Variants in SPAG16 observed in about 807,000 individuals in gnomAD.
SPAG16 encodes sperm associated antigen 16, also known as sperm-associated antigen 16 protein.
SPAG16 carries 86 observed loss-of-function variants against 80.4 expected under a neutral mutation model. The observed-to-expected ratio is 1.07, with a 90% CI of 0.90 to 1.28. The LOEUF (loss-of-function observed/expected upper bound fraction) is 1.28. SPAG16 is among the 50% of genes most tolerant of loss of function. SPAG16 has a pLI of 0.00. For missense variants in SPAG16, 870 were observed against 765.3 expected (o/e 1.14, Z -1.61); for synonymous variants, 294 against 265.9 (o/e 1.11, Z -1.03).
At chr2:214,327,043 A>G (rs1696548885) in intron 15 of SPAG16, among the ~76,000 whole-genome samples, 1 of 152,024 alleles carries the variant, frequency 6.6e-6, no homozygotes, top group African/African-American at 2.4e-5. Context: ...AACTCTTACA[A>G]GCCATCCACA....
intron 10 of SPAG16, among the ~76,000 whole-genome samples, chr2:213,744,107 G>A (rs1252920268): frequency 6.6e-6 from 1 of 152,170 alleles, no homozygotes; most frequent in Non-Finnish European, 1.5e-5. Flanking sequence ...ACCTCCCAGA[G>A]CACTCCCTAT....
intron 12 of SPAG16, among the ~76,000 whole-genome samples, chr2:213,982,481 A>G (rs2045800136): frequency 6.6e-6 from 1 of 152,074 alleles, no homozygotes; most frequent in Non-Finnish European, 1.5e-5. Context: ...TTATACTTAC[A>G]TACAACAAAG....
intron 10 of SPAG16, among the ~76,000 whole-genome samples, chr2:213,773,625 G>C (rs146293842): frequency 6.6e-6 from 1 of 152,050 alleles, no homozygotes; most frequent in African/African-American, 2.4e-5. Context: ...CATGATCTCG[G>C]CTTACTGCAA....
chr2:213,363,063 T>C (rs540709459), intron 7 of SPAG16, among the ~76,000 whole-genome samples: 38 of 152,108 alleles, frequency 2.5e-4, no homozygotes, highest in African/African-American at 8.4e-4. Context: ...TTTTGAAACA[T>C]AAAAAGGATA....
At chr2:213,702,578 C>T (rs544961833) in intron 10 of SPAG16, among the ~76,000 whole-genome samples, 20 of 152,082 alleles carry the variant, frequency 1.3e-4, no homozygotes, top group African/African-American at 2.7e-4. Context: ...CCACCAGTTC[C>T]GGACACAATA....
intron 10 of SPAG16, among the ~76,000 whole-genome samples, chr2:213,674,484 C>G (rs977036478): frequency 6.6e-6 from 1 of 151,150 alleles, no homozygotes; most frequent in Non-Finnish European, 1.5e-5. Flanking sequence ...GCTGCACCCA[C>G]TAACTCGTCA....
intron 10 of SPAG16, among the ~76,000 whole-genome samples, chr2:213,520,648 GT>G (rs2075625784): frequency 6.6e-6 from 1 of 152,166 alleles, no homozygotes; most frequent in African/African-American, 2.4e-5. Context: ...GTATTACTCT[GT>G]TACAACAGCC....
intron 5 of SPAG16, among the ~76,000 whole-genome samples, chr2:213,321,207 G>A (rs58965394): frequency 0.014 from 2,127 of 152,080 alleles, 45 homozygotes; most frequent in African/African-American, 0.047. Flanking sequence ...TATACTAATA[G>A]CATTTAGTGA....
chr2:213,285,418 A>G (rs2062017794), intron 1 of SPAG16, among the ~76,000 whole-genome samples: 2 of 152,228 alleles, frequency 1.3e-5, no homozygotes, highest in South Asian at 4.1e-4. Context: ...GGGAGGGTTC[A>G]TGAGAAAAAG....
intron 10 of SPAG16, among the ~76,000 whole-genome samples, chr2:213,543,558 A>C (rs2076522521): frequency 6.6e-6 from 1 of 152,014 alleles, no homozygotes; most frequent in Non-Finnish European, 1.5e-5. Context: ...ATTCAGATAT[A>C]CATATTTAAT....
intron 14 of SPAG16, among the ~76,000 whole-genome samples, chr2:214,124,209 A>C (rs2054360949): frequency 1.3e-5 from 2 of 151,650 alleles, no homozygotes; most frequent in South Asian, 2.1e-4. Flanking sequence ...TACTTTGCAG[A>C]CTCCCCATGA....
chr2:213,710,158 C>T (rs1389299554), intron 10 of SPAG16, among the ~76,000 whole-genome samples: 1 of 152,010 alleles, frequency 6.6e-6, no homozygotes, highest in Non-Finnish European at 1.5e-5. Context: ...GTGGCACATG[C>T]CTGTAGTCTC....
In SPAG16 at chr2:213,927,607, T is replaced by C. The variant is rs367796839; in HGVS notation, c.1215-2353T>C. On this transcript the variant is annotated intron_variant, in intron 11 of 15. Coordinates refer to ENST00000331683, the MANE Select transcript of SPAG16 (RefSeq NM_024532.5). ...TCTGACTCTATATATTAAAAACTTA[T>C]GGGAATATTGTTTATATTTATTGTT... is the stretch of plus-strand genomic sequence containing the variant. Among the ~76,000 whole-genome samples, 63 of 152,334 alleles carry C rather than the reference T, an allele frequency of 4.1e-4. 1 individual carries two copies. In the South Asian group the frequency reaches 0.012, roughly 28 times the overall value.
intron 15 of SPAG16, among the ~76,000 whole-genome samples, chr2:214,205,180 C>T (rs1032271758): frequency 2.1e-4 from 32 of 151,836 alleles, no homozygotes; most frequent in African/African-American, 7.2e-4. Context: ...GCCAAGATCA[C>T]GCCACTGCAC....
At chr2:213,712,485 C>G (rs1405783214) in intron 10 of SPAG16, among the ~76,000 whole-genome samples, 5 of 152,142 alleles carry the variant, frequency 3.3e-5, no homozygotes, top group Non-Finnish European at 7.3e-5. Flanking sequence ...AGTGCCGCAC[C>G]ATCTAAGCCA....
chr2:213,595,575 A>C (rs1369335022), intron 10 of SPAG16, among the ~76,000 whole-genome samples: 3 of 152,228 alleles, frequency 2.0e-5, no homozygotes, highest in South Asian at 2.1e-4. Flanking sequence ...ATAGTTTTAG[A>C]ATATTTCTGT....
intron 11 of SPAG16, 62 bp downstream of exon 11, chr2:213,862,690 T>A: frequency 6.5e-7 from 1 of 1,543,052 alleles, no homozygotes. Context: ...CTTTACTCTG[T>A]CTGCTCACTC....
chr2:213,863,441 T>C (rs1486966320), intron 11 of SPAG16, among the ~76,000 whole-genome samples: 2 of 152,182 alleles, frequency 1.3e-5, no homozygotes, highest in African/African-American at 4.8e-5. Context: ...GCTATGAATG[T>C]CTATGAAATT....
rs372137011 is a variant in SPAG16 at position 214,290,026 on chromosome 2, G to T, written c.1721-120114G>T. ...TTCTTTATATGTTTGGTAGAATTTG[G>T]CTGTGAATTCATCTGGTCCTGGGAT... On this transcript the variant is annotated intron_variant, in intron 15 of 15. Transcript: ENST00000331683. 4.6e-5 allele frequency among the ~76,000 whole-genome samples: 7 copies of T among 152,046 alleles called. No individual in the cohort carries two copies. In the East Asian group the frequency reaches 7.7e-4, roughly 17 times the overall value.
Sources: allele counts gnomAD v4.1 joint callset (sites outside exome capture counted in the v4.1 genomes callset), GRCh38; gene constraint gnomAD v4.1.1; transcripts MANE v1.5; gene names NCBI Gene and HGNC (gene_info 2026-07-23, HGNC 2026-07-21).